Variants in LHFPL4 observed in about 807,000 individuals in gnomAD.
LHFPL4 encodes LHFPL tetraspan subfamily member 4.
LHFPL4 carries 6 observed loss-of-function variants against 20.0 expected under a neutral mutation model. That is an observed-to-expected ratio of 0.30 (90% confidence interval 0.16 to 0.59). The LOEUF (loss-of-function observed/expected upper bound fraction) is 0.59. LHFPL4 is among the 20% of genes least tolerant of loss of function. The pLI, the probability that LHFPL4 is intolerant of heterozygous loss-of-function variation, is 0.88. For synonymous variants in LHFPL4, 129 were observed against 143.8 expected, an observed-to-expected ratio of 0.90 and a Z score of 0.74; for missense variants, 215 against 331.2, an observed-to-expected ratio of 0.65 and a Z score of 2.72.
chr3:9,549,038 C>A (rs1228252390), intron 2 of LHFPL4, among the ~76,000 whole-genome samples: 1 of 152,176 alleles, frequency 6.6e-6, no homozygotes, highest in Non-Finnish European at 1.5e-5. Flanking sequence ...TGGATCTGTC[C>A]ATGCCCGAAG....
intron 2 of LHFPL4, among the ~76,000 whole-genome samples, chr3:9,513,943 G>A (rs986854071): frequency 1.3e-5 from 2 of 151,990 alleles, no homozygotes; most frequent in African/African-American, 4.8e-5. Context: ...TTTATCCTAT[G>A]GCTATATCCT....
At chr3:9,548,503 G>A (rs2046532010) in intron 2 of LHFPL4, among the ~76,000 whole-genome samples, 2 of 151,966 alleles carry the variant, frequency 1.3e-5, no homozygotes, top group Admixed American at 1.3e-4. Flanking sequence ...CTCCATTCAG[G>A]ATGCTCTCTC....
intron 2 of LHFPL4, among the ~76,000 whole-genome samples, chr3:9,545,707 C>A (rs1176546322): frequency 6.6e-6 from 1 of 151,806 alleles, no homozygotes; most frequent in Admixed American, 6.6e-5. Context: ...CAGAGTGAGA[C>A]TCCATCTCAA....
chr3:9,523,697 T>C (rs1486086220), intron 2 of LHFPL4, among the ~76,000 whole-genome samples: 1 of 152,132 alleles, frequency 6.6e-6, no homozygotes, highest in African/African-American at 2.4e-5. Flanking sequence ...GATCTCGAAC[T>C]CCTGACCTCA....
chr3:9,550,283 C>T (rs2046545000), intron 2 of LHFPL4, among the ~76,000 whole-genome samples: 2 of 152,186 alleles, frequency 1.3e-5, no homozygotes, highest in Admixed American at 6.5e-5. Flanking sequence ...GAATAAACTG[C>T]TCAACTCTGC....
intron 3 of LHFPL4, 38 bp from the exon 4 acceptor site, chr3:9,502,349 A>G: frequency 7.0e-7 from 1 of 1,418,958 alleles, no homozygotes. Flanking sequence ...AGAGAGAATT[A>G]GAGAAAGTCA....
chr3:9,522,122 C>G (rs572855252), intron 2 of LHFPL4, among the ~76,000 whole-genome samples: 1 of 151,958 alleles, frequency 6.6e-6, no homozygotes, highest in East Asian at 1.9e-4. Flanking sequence ...TCAAATAACA[C>G]TATACCACTT....
intron 2 of LHFPL4, among the ~76,000 whole-genome samples, chr3:9,537,237 C>T (rs1023697979): frequency 1.3e-5 from 2 of 152,200 alleles, no homozygotes; most frequent in Admixed American, 6.5e-5. Context: ...TCTGGCCACA[C>T]TGCCCTCCTT....
intron 2 of LHFPL4, among the ~76,000 whole-genome samples, chr3:9,542,966 G>T (rs943827359): frequency 1.3e-5 from 2 of 152,068 alleles, no homozygotes; most frequent in Non-Finnish European, 2.9e-5. Flanking sequence ...AGTGCATGAG[G>T]TTTCTTTCTG....
rs918495514 is a variant in LHFPL4, at chr3:9,499,796, C to T, written c.*2415G>A. On this transcript the variant is annotated 3_prime_UTR_variant, in exon 4 of 4. Coordinates refer to ENST00000287585, the MANE Select transcript of LHFPL4 (RefSeq NM_198560.3). ...CTGGTGGCAGGCGTCCTTGGGGGAA[C>T]AAGCTCTCCCCTCACCCAGTGCCCA... 6.6e-6 allele frequency: 1 copy of T among 152,326 alleles called. No individual in the cohort carries two copies. The highest frequency in any genetic ancestry group is 1.5e-5 in the Non-Finnish European group (1 of 68,276). The allele number at this position is 152,326 out of a possible 1,614,324, so 9.4% of individuals were successfully genotyped here. A position where few individuals can be genotyped will look rare whatever the true frequency, so the allele number is the denominator to read the frequency against.
chr3:9,509,515 C>CT (rs955944074), intron 2 of LHFPL4, among the ~76,000 whole-genome samples: 2 of 152,150 alleles, frequency 1.3e-5, no homozygotes, highest in African/African-American at 4.8e-5. Flanking sequence ...GGCTGGGTGT[C>CT]TGTCTTCAGG....
chr3:9,520,445 C>T lies in LHFPL4; in HGVS notation c.407-14242G>A, dbSNP rs187447985. 3.3e-5 allele frequency among the ~76,000 whole-genome samples: 5 copies of T among 152,096 alleles called. No homozygotes were observed. In the East Asian group the frequency reaches 9.7e-4, roughly 29 times the overall value. On this transcript the variant is annotated intron_variant, in intron 2 of 3. Coordinates refer to ENST00000287585, the MANE Select transcript of LHFPL4 (RefSeq NM_198560.3). ...CTCGGCTCACTACAACCTCTGCTTC[C>T]CGAGTTCAAGAGATTCTCCTGTCTC...
intron 2 of LHFPL4, among the ~76,000 whole-genome samples, chr3:9,522,031 A>G (rs2125660034): frequency 6.6e-6 from 1 of 152,132 alleles, no homozygotes; most frequent in Admixed American, 6.5e-5. Context: ...CTTTCTTAGA[A>G]TATCAGTTAT....
chr3:9,547,936 G>C (rs1432811109), intron 2 of LHFPL4, among the ~76,000 whole-genome samples: 1 of 152,152 alleles, frequency 6.6e-6, no homozygotes, highest in African/African-American at 2.4e-5. Flanking sequence ...CTCCTGAGTA[G>C]CTGGGACTAC....
intron 2 of LHFPL4, among the ~76,000 whole-genome samples, chr3:9,508,365 C>A (rs2648423): frequency 2.0e-5 from 3 of 151,994 alleles, no homozygotes; most frequent in Admixed American, 6.6e-5. Flanking sequence ...TGCTCCTCCT[C>A]CAAGTCAATT....
intron 2 of LHFPL4, among the ~76,000 whole-genome samples, chr3:9,548,910 T>G (rs937193803): frequency 6.6e-6 from 1 of 152,210 alleles, no homozygotes; most frequent in African/African-American, 2.4e-5. Flanking sequence ...CAATGTAAAT[T>G]AGATCTACTA....
intron 2 of LHFPL4, among the ~76,000 whole-genome samples, chr3:9,542,312 C>T (rs2046481953): frequency 6.6e-6 from 1 of 151,960 alleles, no homozygotes; most frequent in East Asian, 1.9e-4. Flanking sequence ...AATTTGTATA[C>T]AAATGTTTAT....
intron 2 of LHFPL4, among the ~76,000 whole-genome samples, chr3:9,513,718 T>C (rs1434883614): frequency 6.6e-6 from 1 of 152,222 alleles, no homozygotes; most frequent in Non-Finnish European, 1.5e-5. Context: ...TGTATTCTTT[T>C]TGAATTTTGT....
At chr3:9,513,093 G>A (rs1003101336) in intron 2 of LHFPL4, among the ~76,000 whole-genome samples, 4 of 151,458 alleles carry the variant, frequency 2.6e-5, no homozygotes, top group Non-Finnish European at 5.9e-5. Flanking sequence ...CCGAGTAGCT[G>A]GGATTACAGG....
Sources: gnomAD v4.1 joint callset for allele counts (sites outside exome capture counted in the v4.1 genomes callset) on GRCh38, gnomAD v4.1.1 for gene constraint, MANE v1.5 for transcripts, NCBI Gene and HGNC (gene_info 2026-07-23, HGNC 2026-07-21) for gene names.